Variants in TBXAS1 observed in about 807,000 individuals in gnomAD.
TBXAS1 encodes thromboxane A synthase 1.
Under a neutral mutation model 60.7 loss-of-function variants are expected in TBXAS1, and 48 were observed. The ratio of observed to expected loss-of-function variants is 0.79; its 90% confidence interval spans 0.63 to 1.01. The LOEUF (loss-of-function observed/expected upper bound fraction) is 1.01. Ranked by LOEUF, TBXAS1 falls within the 50% of genes least tolerant of loss-of-function variation. TBXAS1 has a pLI of 0.00. For missense variants in TBXAS1, 685 were observed against 686.3 expected, an observed-to-expected ratio of 1.00 and a Z score of 0.02; for synonymous variants, 287 against 269.7, an observed-to-expected ratio of 1.06 and a Z score of -0.63.
At chr7:139,910,779 G>A (rs1013971450) in intron 3 of TBXAS1, among the ~76,000 whole-genome samples, 3 of 152,172 alleles carry the variant, frequency 2.0e-5, no homozygotes, top group Non-Finnish European at 4.4e-5. Flanking sequence ...CTTTTTCTGA[G>A]AATTGGTATA....
intron 4 of TBXAS1, among the ~76,000 whole-genome samples, chr7:139,791,855 G>T (rs1585509999): frequency 7.8e-6 from 1 of 128,478 alleles, no homozygotes. Context: ...TACTTACTTT[G>T]GAATTAAATT....
chr7:139,859,907 G>A (rs757320078), intron 1 of TBXAS1, among the ~76,000 whole-genome samples: 23 of 152,336 alleles, frequency 1.5e-4, no homozygotes, highest in Non-Finnish European at 2.5e-4. Flanking sequence ...GGGAGGCCGA[G>A]GTGGGTGGAT....
intron 1 of TBXAS1, among the ~76,000 whole-genome samples, chr7:139,866,373 C>T (rs943370316): frequency 2.0e-5 from 3 of 151,954 alleles, no homozygotes; most frequent in Admixed American, 2.0e-4. Context: ...ATTAAGCAGC[C>T]ATAAAAATGA....
intron 2 of TBXAS1, among the ~76,000 whole-genome samples, chr7:139,872,610 C>T (rs1801905842): frequency 6.6e-6 from 1 of 152,158 alleles, no homozygotes; most frequent in African/African-American, 2.4e-5. Context: ...GCCGAGATTG[C>T]ACCATTGCAC....
Position 139,957,689 on chromosome 7 carries a change from A to G in TBXAS1, c.744A>G (p.Arg248=), listed in dbSNP as rs769962039. The change falls in exon 8 of 13, where the codon CGA becomes CGG. Residue 248 remains arginine (R), a synonymous_variant. Coordinates refer to ENST00000448866, the MANE Select transcript of TBXAS1 (RefSeq NM_001061.7). ...CCCGGATTTTGCCCAATAAGAACCG[A>G]GACGAACTGAATGGCTTTTTTAACA... ...PLARILPNKN[R]DELNGFFNKL... The G allele has an allele frequency of 6.2e-7, 1 of 1,614,080 alleles. No homozygotes were observed. The highest frequency in any genetic ancestry group is 8.5e-7 in the Non-Finnish European group (1 of 1,180,018).
chr7:139,983,875 G>A (rs10487666), intron 9 of TBXAS1, among the ~76,000 whole-genome samples: 5 of 152,048 alleles, frequency 3.3e-5, no homozygotes, highest in Non-Finnish European at 7.4e-5. Flanking sequence ...TTCAGTAGTC[G>A]ATCAGTTTGC....
chr7:139,875,720 A>G, intron 3 of TBXAS1, 83 bp downstream of exon 3: 2 of 1,504,246 alleles, frequency 1.3e-6, no homozygotes, highest in South Asian at 1.1e-5. Context: ...TTGAACTGAT[A>G]TAGAAGAAAT....
chr7:139,954,628 G>T (rs1462501562), intron 6 of TBXAS1, among the ~76,000 whole-genome samples: 1 of 152,218 alleles, frequency 6.6e-6, no homozygotes, highest in African/African-American at 2.4e-5. Context: ...ATTATAAAAA[G>T]ATATTAATAA....
At chr7:139,998,758 T>C (rs1813465777) in intron 9 of TBXAS1, among the ~76,000 whole-genome samples, 1 of 152,218 alleles carries the variant, frequency 6.6e-6, no homozygotes, top group Admixed American at 6.5e-5. Flanking sequence ...AGAGCCATCA[T>C]GGAGAAGACT....
rs71170921 is a variant in TBXAS1 at position 139,898,413 on chromosome 7, C to CTTTTTTTTTTTTTTTTTTTTTTTTT, written c.237-12804_237-12780dup. Among the ~76,000 whole-genome samples the CTTTTTTTTTTTTTTTTTTTTTTTTT allele has an allele frequency of 2.4e-5, 2 of 82,222 alleles. 1 individual carries two copies. The highest frequency in any genetic ancestry group is 9.8e-5 in the African/African-American group (2 of 20,470). 53.9% of individuals were successfully genotyped at this position (82,222 alleles called of 152,430 possible). A position where few individuals can be genotyped will look rare whatever the true frequency, so the allele number is the denominator to read the frequency against. On this transcript the variant is annotated intron_variant, in intron 3 of 12. Transcript: ENST00000448866. ...ATCAGAAGTTTCCCAACGTGCATGG[C>CTTTTTTTTTTTTTTTTTTTTTTTTT]TTTTTTTTTTTTTTTTTTTTTTTTT...
intron 9 of TBXAS1, among the ~76,000 whole-genome samples, chr7:140,006,869 G>A (rs760638905): frequency 6.6e-6 from 1 of 152,106 alleles, no homozygotes; most frequent in African/African-American, 2.4e-5. Context: ...TCTGTATTAC[G>A]AAGACCCCTG....
chr7:139,918,358 C>A (rs1317411720), intron 4 of TBXAS1, among the ~76,000 whole-genome samples: 1 of 152,170 alleles, frequency 6.6e-6, no homozygotes, highest in Non-Finnish European at 1.5e-5. Flanking sequence ...CGGAGTCCCA[C>A]CAGCGTCCCA....
At chr7:139,868,568 C>G (rs1318893402) in intron 1 of TBXAS1, among the ~76,000 whole-genome samples, 1 of 151,138 alleles carries the variant, frequency 6.6e-6, no homozygotes, top group Admixed American at 6.6e-5. Context: ...ATTGTAGCCT[C>G]AAACTCCTGA....
At chr7:139,937,733 A>G (rs530966507) in intron 5 of TBXAS1, among the ~76,000 whole-genome samples, 1 of 152,306 alleles carries the variant, frequency 6.6e-6, no homozygotes, top group African/African-American at 2.4e-5. Flanking sequence ...GCGTGCTCCA[A>G]GTCTCATAGC....
chr7:140,017,236 G>A (rs796474602), intron 11 of TBXAS1, among the ~76,000 whole-genome samples: 7 of 152,326 alleles, frequency 4.6e-5, no homozygotes, highest in African/African-American at 1.7e-4. Flanking sequence ...CCCAGGAGGT[G>A]CTGAGGTGCC....
chr7:139,869,427 A>G (rs1022622774), intron 1 of TBXAS1, among the ~76,000 whole-genome samples: 1 of 151,970 alleles, frequency 6.6e-6, no homozygotes, highest in African/African-American at 2.4e-5. Context: ...TCACTCTGTC[A>G]CCCAGGCTGG....
Position 139,885,974 on chromosome 7 carries a change from ATTC to A in TBXAS1, c.236+10343_236+10345del, listed in dbSNP as rs1051506322. 1.6e-4 allele frequency among the ~76,000 whole-genome samples: 24 copies of A among 152,300 alleles called. No individual in the cohort carries two copies. The East Asian group carries it at 1.9e-3, about 12-fold the overall frequency. ...GACGTTAGCCTTTAAACTGGAACAT[ATTC>A]TTCTTTCTTCCTTAGGATCTTTAAA... is the stretch of plus-strand genomic sequence containing the variant. On this transcript the variant is annotated intron_variant, in intron 3 of 12. Transcript: ENST00000448866.
intron 9 of TBXAS1, among the ~76,000 whole-genome samples, chr7:139,972,213 T>C (rs1207309214): frequency 6.6e-6 from 1 of 152,212 alleles, no homozygotes; most frequent in Non-Finnish European, 1.5e-5. Context: ...CTCCCAGGAA[T>C]GGGTCACACC....
chr7:139,785,287 C>T (rs915152089), intron 3 of TBXAS1, among the ~76,000 whole-genome samples: 4 of 152,044 alleles, frequency 2.6e-5, no homozygotes, highest in Admixed American at 1.3e-4. Flanking sequence ...CTCTAGATCT[C>T]TGAGGCTGGT....
Sources: allele counts gnomAD v4.1 joint callset (sites outside exome capture counted in the v4.1 genomes callset), GRCh38; gene constraint gnomAD v4.1.1; transcripts MANE v1.5; gene names NCBI Gene and HGNC (gene_info 2026-07-23, HGNC 2026-07-21).